B9D1: variants seen among roughly 807,000 people sequenced by gnomAD.
B9D1 encodes the protein B9 domain-containing protein 1.
Under a neutral mutation model 26.1 loss-of-function variants are expected in B9D1, and 20 were observed. The ratio of observed to expected loss-of-function variants is 0.77; its 90% confidence interval spans 0.54 to 1.12. B9D1 has a LOEUF of 1.12. Among genes scored for constraint, B9D1 ranks in the 50% most tolerant of loss-of-function variants. The pLI, the probability that B9D1 is intolerant of heterozygous loss-of-function variation, is 0.00. For synonymous variants in B9D1, 105 were observed against 103.1 expected, an observed-to-expected ratio of 1.02 and a Z score of -0.11; for missense variants, 260 against 273.7, an observed-to-expected ratio of 0.95 and a Z score of 0.35.
At chr17:19,363,604 G>A (rs1311674871), upstream of B9D1, 1 of 152,254 alleles carries the variant, frequency 6.6e-6, no homozygotes, top group Non-Finnish European at 1.5e-5. Context: ...AACAGCATCT[G>A]TTGGCAGAGG....
At chr17:19,360,232 G>T (rs1910867759) in intron 2 of B9D1, 88 bp downstream of exon 2, 2 of 1,263,376 alleles carry the variant, frequency 1.6e-6, no homozygotes, top group Non-Finnish European at 2.3e-6. Context: ...CTCTTAACTT[G>T]TTCTGAATGG....
At chr17:19,348,136 G>A (rs1909109094) in intron 3 of B9D1, among the ~76,000 whole-genome samples, 1 of 151,956 alleles carries the variant, frequency 6.6e-6, no homozygotes, top group African/African-American at 2.4e-5. Context: ...TGGAGTCAGT[G>A]CCCACTCAGT....
chr17:19,367,113 T>C (rs1411828834), upstream of B9D1, among the ~76,000 whole-genome samples: 2 of 152,196 alleles, frequency 1.3e-5, no homozygotes, highest in South Asian at 2.1e-4. Flanking sequence ...TGTAGGACAA[T>C]TGATCAGCAT....
downstream of B9D1, chr17:19,337,853 C>T: frequency 1.3e-6 from 1 of 756,726 alleles, no homozygotes; most frequent in East Asian, 2.8e-5. Flanking sequence ...GCCCTCGGCC[C>T]CCATCCAGAT....
chr17:19,358,090 G>A, intron 2 of B9D1, 139 bp from the exon 3 acceptor site: 1 of 705,128 alleles, frequency 1.4e-6, no homozygotes, highest in South Asian at 1.5e-5. Flanking sequence ...CAAACAAAGG[G>A]GACTAAGAGA....
intron 5 of B9D1, chr17:19,346,942 C>A: frequency 1.4e-6 from 2 of 1,474,010 alleles, no homozygotes; most frequent in Non-Finnish European, 9.0e-7. Context: ...CTGACTCATA[C>A]TGCTATATCC....
At chr17:19,335,554 C>T (rs936582133), downstream of B9D1, 235 of 1,341,354 alleles carry the variant, frequency 1.8e-4, 1 homozygote, top group South Asian at 3.1e-3. Context: ...GTCCCGAGGG[C>T]GTGGGGTGGG....
downstream of B9D1, chr17:19,336,777 G>A (rs1245209461): frequency 3.3e-5 from 5 of 152,620 alleles, no homozygotes; most frequent in Non-Finnish European, 7.3e-5. Flanking sequence ...CACTGGAGAG[G>A]TGGGAGATGA....
chr17:19,367,405 G>C (rs1235783297), upstream of B9D1, among the ~76,000 whole-genome samples: 2 of 149,300 alleles, frequency 1.3e-5, no homozygotes, highest in South Asian at 2.1e-4. Flanking sequence ...TCTGCCTCCT[G>C]GGTTCAAGCG....
downstream of B9D1, among the ~76,000 whole-genome samples, chr17:19,342,388 A>G (rs185448997): frequency 3.3e-5 from 5 of 152,228 alleles, no homozygotes; most frequent in Non-Finnish European, 5.9e-5. Context: ...CCAGGGCAAC[A>G]TGGGCGAGGC....
At chr17:19,339,352 C>A (rs1020112551), downstream of B9D1, among the ~76,000 whole-genome samples, 2 of 152,130 alleles carry the variant, frequency 1.3e-5, no homozygotes, top group Non-Finnish European at 2.9e-5. Context: ...TCCCTTTCCC[C>A]TAGAGCTGCT....
chr17:19,338,696 A>C (rs1484653836), downstream of B9D1, among the ~76,000 whole-genome samples: 1 of 152,154 alleles, frequency 6.6e-6, no homozygotes, highest in African/African-American at 2.4e-5. Context: ...TACTATGAGA[A>C]CTTCAAACAC....
intron 1 of B9D1, among the ~76,000 whole-genome samples, chr17:19,374,970 CAAT>C (rs146710280): frequency 3.9e-5 from 6 of 152,214 alleles, no homozygotes; most frequent in African/African-American, 1.4e-4. Context: ...GACAGCTCAA[CAAT>C]AAAAAGGCAA....
At chr17:19,357,034 G>A (rs1050139276) in intron 3 of B9D1, among the ~76,000 whole-genome samples, 4 of 152,228 alleles carry the variant, frequency 2.6e-5, no homozygotes, top group Non-Finnish European at 4.4e-5. Flanking sequence ...CCCAGGCCAC[G>A]TGCAGTAGAA....
intron 3 of B9D1, 124 bp downstream of exon 3, chr17:19,357,716 T>C: frequency 2.6e-6 from 2 of 767,714 alleles, no homozygotes. Flanking sequence ...CGTTGAGGGC[T>C]GCTTCAAGAG....
intron 1 of B9D1, among the ~76,000 whole-genome samples, 184 bp from the exon 2 acceptor site, chr17:19,360,572 C>T (rs1910920929): frequency 6.6e-6 from 1 of 152,178 alleles, no homozygotes. Context: ...GGGAGACTCC[C>T]AGGTGCCACG....
At chr17:19,337,694 C>G (rs1907562509), downstream of B9D1, 2 of 1,532,228 alleles carry the variant, frequency 1.3e-6, no homozygotes, top group Non-Finnish European at 1.7e-6. Flanking sequence ...CTCAGGGACT[C>G]AAGCCGCTTT....
intron 1 of B9D1, among the ~76,000 whole-genome samples, chr17:19,371,082 T>C (rs1243781456): frequency 6.6e-6 from 1 of 152,216 alleles, no homozygotes; most frequent in African/African-American, 2.4e-5. Context: ...GCGATTTTCC[T>C]GATACAGGGA....
At chr17:19,349,626 C>T (rs1909326794) in intron 3 of B9D1, among the ~76,000 whole-genome samples, 1 of 152,186 alleles carries the variant, frequency 6.6e-6, no homozygotes, top group Non-Finnish European at 1.5e-5. Flanking sequence ...AAGCAATCTT[C>T]CTGCCTCAGC....
Sources: allele counts gnomAD v4.1 joint callset (sites outside exome capture counted in the v4.1 genomes callset), GRCh38; gene constraint gnomAD v4.1.1; transcripts MANE v1.5; gene names NCBI Gene and HGNC (gene_info 2026-07-23, HGNC 2026-07-21).